Variants in ADAMTSL1 observed in about 807,000 individuals in gnomAD.
ADAMTSL1 encodes ADAMTS like 1.
A neutral mutation model predicts 201.8 loss-of-function variants in ADAMTSL1; 126 were observed. The observed-to-expected ratio is 0.62, with a 90% CI of 0.54 to 0.72. ADAMTSL1 has a LOEUF of 0.72. Among genes scored for constraint, ADAMTSL1 ranks in the 30% least tolerant of loss-of-function variants. The probability of loss-of-function intolerance (pLI) is 0.00; values close to 1 mark genes in which losing one functional copy is unlikely to be tolerated. For missense variants in ADAMTSL1, 2,679 were observed against 2,277.8 expected (o/e 1.18, Z -3.59); for synonymous variants, 1,121 against 903.4 (o/e 1.24, Z -4.32).
chr9:18,164,458 G>A (rs1042946216), intron 2 of ADAMTSL1, among the ~76,000 whole-genome samples: 4 of 151,656 alleles, frequency 2.6e-5, no homozygotes, highest in African/African-American at 9.7e-5. Context: ...GTGGTTTTAG[G>A]GGAAAACACT....
At chr9:18,882,012 G>C (rs1354899923) in intron 23 of ADAMTSL1, among the ~76,000 whole-genome samples, 1 of 152,156 alleles carries the variant, frequency 6.6e-6, no homozygotes, top group East Asian at 1.9e-4. Flanking sequence ...GAGGAGGGAG[G>C]AATTTGGATG....
At position 18,908,565 on chromosome 9, in the gene ADAMTSL1, A is replaced by G. The variant is rs1458182277; in HGVS notation, c.*17A>G. 1.3e-6 allele frequency: 2 copies of G among 1,548,698 alleles called. No homozygotes were observed. The highest frequency in any genetic ancestry group is 2.7e-5 in the African/African-American group (2 of 72,992). ...AAAGCGTGAAGATAGGGTGTGGGGAAAAACTCTACCCTGGCCACACGAAGG... is the reference window on the plus strand; with the variant it reads ...AAAGCGTGAAGATAGGGTGTGGGGAGAAACTCTACCCTGGCCACACGAAGG... On this transcript the variant is annotated 3_prime_UTR_variant, in exon 29 of 29. Coordinates refer to ENST00000380548, the MANE Select transcript of ADAMTSL1 (RefSeq NM_001040272.6).
intron 1 of ADAMTSL1, among the ~76,000 whole-genome samples, chr9:17,921,423 C>T (rs949927417): frequency 3.3e-5 from 5 of 152,150 alleles, no homozygotes; most frequent in East Asian, 1.9e-4. Context: ...TTTCATCTTT[C>T]GCCTGTTGTT....
At chr9:18,182,849 G>A (rs1013365381) in intron 2 of ADAMTSL1, among the ~76,000 whole-genome samples, 1 of 152,156 alleles carries the variant, frequency 6.6e-6, no homozygotes, top group African/African-American at 2.4e-5. Context: ...CCATAGTCCT[G>A]ATTGCTATAC....
At chr9:18,671,733 T>C (rs1382384032) in intron 9 of ADAMTSL1, among the ~76,000 whole-genome samples, 2 of 152,150 alleles carry the variant, frequency 1.3e-5, no homozygotes, top group African/African-American at 4.8e-5. Flanking sequence ...AAAGGATCTC[T>C]TTATGGTTCA....
At chr9:18,210,400 A>G (rs1392413305) in intron 2 of ADAMTSL1, among the ~76,000 whole-genome samples, 13 of 1,592 alleles carry the variant, frequency 8.2e-3, no homozygotes, top group Non-Finnish European at 0.037. Flanking sequence ...CTAATATTAT[A>G]TATTATTATA....
At chr9:18,622,622 A>G (rs1826108836) in intron 5 of ADAMTSL1, 1 of 583,380 alleles carries the variant, frequency 1.7e-6, no homozygotes, top group Non-Finnish European at 3.0e-6. Context: ...GGCTACAAAT[A>G]CTTTCTGTAC....
chr9:18,256,222 G>C (rs1831675970), intron 2 of ADAMTSL1, among the ~76,000 whole-genome samples: 1 of 152,194 alleles, frequency 6.6e-6, no homozygotes, highest in African/African-American at 2.4e-5. Flanking sequence ...ACCTTGAGGA[G>C]GGTTTTATTC....
intron 3 of ADAMTSL1, among the ~76,000 whole-genome samples, chr9:18,534,379 G>C (rs553709775): frequency 1.3e-5 from 2 of 152,086 alleles, no homozygotes; most frequent in African/African-American, 4.8e-5. Context: ...GAAAGAAGAA[G>C]AAGAAGGAGG....
intron 4 of ADAMTSL1, among the ~76,000 whole-genome samples, chr9:18,599,814 A>T (rs1425546064): frequency 6.6e-6 from 1 of 150,770 alleles, no homozygotes; most frequent in African/African-American, 2.4e-5. Flanking sequence ...TAACTGTAAT[A>T]TTTCCAGTAA....
intron 1 of ADAMTSL1, among the ~76,000 whole-genome samples, chr9:18,499,244 A>T (rs1338197704): frequency 6.6e-6 from 1 of 152,254 alleles, no homozygotes; most frequent in Non-Finnish European, 1.5e-5. Context: ...TCATCTGGGA[A>T]GGCGCATGCC....
intron 1 of ADAMTSL1, among the ~76,000 whole-genome samples, chr9:18,071,170 C>T (rs558679098): frequency 8.5e-5 from 13 of 152,306 alleles, no homozygotes; most frequent in African/African-American, 2.2e-4. Flanking sequence ...CTGTGGGGGA[C>T]GGCATGTCCC....
chr9:18,493,296 T>C (rs887545540), intron 1 of ADAMTSL1, among the ~76,000 whole-genome samples: 3 of 152,224 alleles, frequency 2.0e-5, no homozygotes, highest in African/African-American at 7.2e-5. Context: ...TGATCTATGG[T>C]TATCTATGTA....
chr9:18,005,277 C>G (rs1316914729), intron 1 of ADAMTSL1, among the ~76,000 whole-genome samples: 2 of 152,028 alleles, frequency 1.3e-5, no homozygotes, highest in African/African-American at 2.4e-5. Flanking sequence ...ACTTCAAAGG[C>G]CTGCACAGCT....
At chr9:18,828,150 A>G (rs1824703353) in intron 22 of ADAMTSL1, among the ~76,000 whole-genome samples, 1 of 152,182 alleles carries the variant, frequency 6.6e-6, no homozygotes, top group Non-Finnish European at 1.5e-5. Context: ...TATGTTGCTG[A>G]CATTAAGTTC....
At chr9:18,908,321 G>T in intron 28 of ADAMTSL1, 121 bp from the exon 29 acceptor site, 1 of 822,188 alleles carries the variant, frequency 1.2e-6, no homozygotes, top group South Asian at 1.5e-5. Flanking sequence ...GGCCAAGGCA[G>T]ACCCCAGGAT....
At chr9:18,465,061 T>C (rs1222549941) in intron 2 of ADAMTSL1, among the ~76,000 whole-genome samples, 1 of 152,238 alleles carries the variant, frequency 6.6e-6, no homozygotes. Flanking sequence ...GTAATTAAGC[T>C]ACATAAGCAA....
At chr9:18,256,590 A>G (rs10511645) in intron 2 of ADAMTSL1, among the ~76,000 whole-genome samples, 42,932 of 152,156 alleles carry the variant, frequency 0.28, 6,416 homozygotes, top group Middle Eastern at 0.42. Flanking sequence ...CTGACATCAA[A>G]GGAGTTAACA....
Position 18,596,427 on chromosome 9 carries a change from TACAA to T in ADAMTSL1, c.474+22165_474+22168del, listed in dbSNP as rs533640731. On this transcript the variant is annotated intron_variant, in intron 4 of 28. Coordinates refer to ENST00000380548, the MANE Select transcript of ADAMTSL1 (RefSeq NM_001040272.6). ...CTTTTAGCTTCAATTTTTTCATCTG[TACAA>T]ACAGAGGTAACAATATCTAATTTTA... is the stretch of plus-strand genomic sequence containing the variant. 3.6e-3 allele frequency among the ~76,000 whole-genome samples: 544 copies of T among 152,324 alleles called. 8 individuals carry two copies. The highest frequency in any genetic ancestry group is 0.012 in the African/African-American group (517 of 41,568).
Sources: gnomAD v4.1 joint callset for allele counts (sites outside exome capture counted in the v4.1 genomes callset) on GRCh38, gnomAD v4.1.1 for gene constraint, MANE v1.5 for transcripts, NCBI Gene and HGNC (gene_info 2026-07-23, HGNC 2026-07-21) for gene names.